Variants in ADCY5 observed in about 807,000 individuals in gnomAD.
The protein encoded by ADCY5 is adenylate cyclase type 5.
A neutral mutation model predicts 119.7 loss-of-function variants in ADCY5; 30 were observed. The observed-to-expected ratio is 0.25, with a 90% confidence interval of 0.19 to 0.34. The LOEUF (loss-of-function observed/expected upper bound fraction) is 0.34, where lower values mean the gene tolerates loss of function less well. ADCY5 is among the 10% of genes least tolerant of loss of function. ADCY5 has a pLI of 1.00. For missense variants in ADCY5, 1,324 were observed against 1,775.2 expected (o/e 0.75, Z 4.57); for synonymous variants, 753 against 762.2 (o/e 0.99, Z 0.20).
At chr3:123,390,970 CTT>C (rs10605876) in intron 1 of ADCY5, among the ~76,000 whole-genome samples, 65,695 of 152,040 alleles carry the variant, frequency 0.43, 14,465 homozygotes, top group African/African-American at 0.52. Context: ...CTAAAGCTGA[CTT>C]TGGAAAACCA....
chr3:123,370,395 C>T (rs932974343), intron 1 of ADCY5, among the ~76,000 whole-genome samples: 4 of 152,228 alleles, frequency 2.6e-5, no homozygotes, highest in Non-Finnish European at 5.9e-5. Context: ...GCTGCCCAGC[C>T]ACAGACAGCA....
At chr3:123,351,719 G>T (rs931063027) in intron 2 of ADCY5, among the ~76,000 whole-genome samples, 1 of 152,180 alleles carries the variant, frequency 6.6e-6, no homozygotes. Flanking sequence ...TGGGGATCCA[G>T]ACCTGGAATC....
intron 1 of ADCY5, among the ~76,000 whole-genome samples, chr3:123,393,089 T>A (rs761689534): frequency 2.8e-4 from 42 of 152,132 alleles, no homozygotes; most frequent in Non-Finnish European, 5.4e-4. Flanking sequence ...AGGCCCATGT[T>A]CCTGCCACCT....
chr3:123,419,071 C>G (rs1443039467), intron 1 of ADCY5: 1 of 874,582 alleles, frequency 1.1e-6, no homozygotes, highest in Non-Finnish European at 1.4e-6. Context: ...ATGAGCCAAT[C>G]CCCCACAGTA....
intron 12 of ADCY5, among the ~76,000 whole-genome samples, chr3:123,312,686 G>A (rs959238250): frequency 3.9e-5 from 6 of 152,182 alleles, no homozygotes; most frequent in East Asian, 3.8e-4. Flanking sequence ...TTCACTCAGC[G>A]TCATGTTTTC....
chr3:123,434,396 CA>C (rs1400358693), intron 1 of ADCY5, among the ~76,000 whole-genome samples: 5 of 152,220 alleles, frequency 3.3e-5, no homozygotes, highest in Non-Finnish European at 4.4e-5. Context: ...CTATCACCCC[CA>C]GTGTATACAG....
chr3:123,303,114 T>C lies in ADCY5; in HGVS notation c.2665A>G (p.Ser889Gly). The change falls in exon 14 of 21, where the codon AGC becomes GGC. Residue 889 changes from serine to glycine, a missense_variant. By Grantham distance (56) the Ser-to-Gly change is moderately conservative (BLOSUM62 0). Around this residue, in one of 6 missense-constraint regions of ADCY5, gnomAD observed 424 missense variants for 546.8 expected, o/e 0.78. Coordinates refer to ENST00000462833, the MANE Select transcript of ADCY5 (RefSeq NM_183357.3). Reference protein sequence around the residue: ...CHVAESAVNYSLGDEQGFCGS... With the variant: ...CHVAESAVNYGLGDEQGFCGS... ...CAGAAGCCCTGCTCATCGCCCAGGC[T>C]GTAGTTGACGGCCGACTCCGCCACG... The C allele has an allele frequency of 6.2e-7, 1 of 1,613,894 alleles. No homozygotes were observed. The highest frequency in any genetic ancestry group is 2.2e-5 in the East Asian group (1 of 44,872).
chr3:123,413,004 C>G (rs1304158290), intron 1 of ADCY5, among the ~76,000 whole-genome samples: 2 of 152,204 alleles, frequency 1.3e-5, no homozygotes, highest in Admixed American at 6.5e-5. Context: ...ATCCACATCT[C>G]TAAGAAGTCA....
intron 18 of ADCY5, among the ~76,000 whole-genome samples, chr3:123,290,538 C>A (rs9879000): frequency 0.27 from 40,984 of 152,232 alleles, 6,976 homozygotes; most frequent in Non-Finnish European, 0.39. Context: ...ACTGCCCTAC[C>A]GGGCTCTGCA....
At chr3:123,287,477 G>C (rs777868356) in intron 19 of ADCY5, among the ~76,000 whole-genome samples, 5 of 152,134 alleles carry the variant, frequency 3.3e-5, no homozygotes, top group African/African-American at 4.8e-5. Context: ...GACATTTCCT[G>C]TCCTGTCTCC....
Position 123,352,190 on chromosome 3 carries a change from A to G in ADCY5, c.1284+242T>C, listed in dbSNP as rs574970660. ...TGGCTGCTGGGCTTGTTTGCAAACC[A>G]CAGGGACGCCACATGGCTATGGGCA... On this transcript the variant is annotated intron_variant, in intron 2 of 20. Coordinates refer to ENST00000462833, the MANE Select transcript of ADCY5 (RefSeq NM_183357.3). This position sits in a 1 kb window ranked among gnomAD's most constrained non-coding sequence, Gnocchi z 4.8. Among the ~76,000 whole-genome samples the G allele has an allele frequency of 2.0e-5, 3 of 152,226 alleles. No homozygotes were observed. Among genetic ancestry groups the G allele is most frequent in the African/African-American group, 7.2e-5 (3 of 41,538 alleles).
Position 123,339,950 on chromosome 3 carries a change from T to C in ADCY5, c.1407-7275A>G, listed in dbSNP as rs145727778. The stretch of plus-strand genomic sequence containing the variant: ...CTTTTTCTTCTCCATACTGCTCTTA[T>C]TTTCCAATTTTTCTACAAAGAACAT... On this transcript the variant is annotated intron_variant, in intron 3 of 20. Transcript: ENST00000462833. Among the ~76,000 whole-genome samples the C allele has an allele frequency of 5.9e-5, 9 of 152,354 alleles. No individual in the cohort carries two copies. The East Asian group carries it at 1.5e-3, about 26-fold the overall frequency.
intron 6 of ADCY5, 91 bp from the exon 7 acceptor site, chr3:123,327,850 T>G (rs897437877): frequency 2.0e-5 from 29 of 1,431,956 alleles, no homozygotes; most frequent in Non-Finnish European, 2.8e-5. Context: ...AATTAGTGGG[T>G]TCACCACAAT....
In ADCY5 at chr3:123,444,784, T is replaced by C. The variant is rs112212156; in HGVS notation, c.1134+2628A>G. On this transcript the variant is annotated intron_variant, in intron 1 of 20. Transcript: ENST00000462833. Reference sequence around the variant, plus strand: ...AGTCCAGTTTACTGAGGGCCTACTATGTGTCCAAGCCACCGAAGGGGGAAT... The same window carrying C: ...AGTCCAGTTTACTGAGGGCCTACTACGTGTCCAAGCCACCGAAGGGGGAAT... Among the ~76,000 whole-genome samples, 4 of 152,314 alleles carry C rather than the reference T, an allele frequency of 2.6e-5. No individual in the cohort carries two copies. The South Asian group carries it at 8.3e-4, about 32-fold the overall frequency.
rs577248235 is a variant in ADCY5 at position 123,352,680 on chromosome 3, C to T, written c.1135-99G>A. 1.2e-5 allele frequency: 16 copies of T among 1,380,402 alleles called. No individual in the cohort carries two copies. Among genetic ancestry groups the T allele is most frequent in the Middle Eastern group, 1.9e-4 (1 of 5,358 alleles). 85.5% of individuals were successfully genotyped at this position (1,380,402 alleles called of 1,614,324 possible). On this transcript the variant is annotated intron_variant, in intron 1 of 20. Transcript: ENST00000462833. The surrounding 1 kb of genome is among the most constrained non-coding windows in gnomAD (Gnocchi z 4.8). ...CCTGTCTCAGCAAACTCACACCTGG[C>T]GCTAGCAAACAAATGCTGAGGGCAC...
In ADCY5 at chr3:123,448,495, AGTC is replaced by A. The variant is rs1945872600; in HGVS notation, c.48_50del (p.Lys16_Thr17delinsAsn). 2 of 1,270,732 alleles carry A rather than the reference AGTC, an allele frequency of 1.6e-6. No individual in the cohort carries two copies. Among genetic ancestry groups the A allele is most frequent in the African/African-American group, 3.1e-5 (2 of 64,530 alleles). 78.7% of individuals were successfully genotyped at this position (1,270,732 alleles called of 1,614,324 possible). On this transcript the variant is annotated inframe_deletion, in exon 1 of 21. Transcript: ENST00000462833. ...GGCCTCCCCGGGGCGCCGGCGCCGC[AGTC>A]TTCTGCGCCGCGTAGCCCGGGGGGC...
intron 1 of ADCY5, among the ~76,000 whole-genome samples, chr3:123,434,519 T>A (rs1945574612): frequency 6.6e-6 from 1 of 152,214 alleles, no homozygotes; most frequent in African/African-American, 2.4e-5. Flanking sequence ...TTTTAACACA[T>A]CACCTCGTCA....
At chr3:123,355,077 T>C (rs138604069) in intron 1 of ADCY5, among the ~76,000 whole-genome samples, 39 of 152,284 alleles carry the variant, frequency 2.6e-4, no homozygotes, top group Admixed American at 1.3e-3. Flanking sequence ...GTCACTCCTA[T>C]TCAACATCAC....
intron 5 of ADCY5, among the ~76,000 whole-genome samples, chr3:123,330,366 G>A (rs1941705755): frequency 6.6e-6 from 1 of 152,242 alleles, no homozygotes; most frequent in Non-Finnish European, 1.5e-5. Flanking sequence ...TGATAGCCAT[G>A]AATTGGCCAA....
Sources: allele counts gnomAD v4.1 joint callset (sites outside exome capture counted in the v4.1 genomes callset), GRCh38; gene constraint gnomAD v4.1.1; regional missense constraint gnomAD v4.1.1; non-coding constraint Gnocchi (gnomAD v3.1); transcripts MANE v1.5; gene names NCBI Gene and HGNC (gene_info 2026-07-23, HGNC 2026-07-21).